PTPRO: variants seen among roughly 807,000 people sequenced by gnomAD.
PTPRO encodes the protein receptor-type tyrosine-protein phosphatase O.
Under a neutral mutation model 145.2 loss-of-function variants are expected in PTPRO, and 62 were observed. That is an observed-to-expected ratio of 0.43 (90% confidence interval 0.35 to 0.53). The LOEUF (loss-of-function observed/expected upper bound fraction) is 0.53. PTPRO is among the 20% of genes least tolerant of loss of function. PTPRO has a pLI of 0.01. For missense variants in PTPRO, 1,345 were observed against 1,482.7 expected, an observed-to-expected ratio of 0.91 and a Z score of 1.53; for synonymous variants, 565 against 514.7, an observed-to-expected ratio of 1.10 and a Z score of -1.32.
chr12:15,516,513 GAAAGA>G lies in PTPRO; in HGVS notation c.1586-246_1586-242del, dbSNP rs1942596031. On this transcript the variant is annotated intron_variant, in intron 8 of 26. Transcript: ENST00000281171. ...AAAGGAAAGAAAGAAAAGAAAGAAA[GAAAGA>G]AAAAGAAAAGAAAAGATGAAAGGAG... Among the ~76,000 whole-genome samples, 12 of 55,020 alleles carry G rather than the reference GAAAGA, an allele frequency of 2.2e-4. No individual in the cohort carries two copies. The South Asian group carries it at 2.2e-3, about 10-fold the overall frequency. The allele number at this position is 55,020 out of a possible 152,430, so 36.1% of individuals were successfully genotyped here.
In PTPRO at chr12:15,557,499, G is replaced by A. The variant is rs1943665490; in HGVS notation, c.2603G>A (p.Arg868Lys). Residue 868 changes from arginine (R) to lysine (K), a missense_variant, in exon 16 of 27, where the codon AGG becomes AAG. Arg to Lys is a conservative substitution (Grantham distance 26). This residue lies in a region of PTPRO where 1,130 missense variants were observed against 1,214.7 expected (regional missense o/e 0.93). Coordinates refer to ENST00000281171, the MANE Select transcript of PTPRO (RefSeq NM_030667.3). ...GTFVNFASLE[R>K]DGKLPYNWRR... ...TTTGTCAATTTTGCATCCTTAGAGA[G>A]GGATGGAAAGCTTCCATACAACTGG... 1 of 1,613,758 alleles carries A rather than the reference G, an allele frequency of 6.2e-7. No individual in the cohort carries two copies. The highest frequency in any genetic ancestry group is 1.3e-5 in the African/African-American group (1 of 74,912).
chr12:15,520,350 G>A (rs1462670808), intron 10 of PTPRO, 38 bp downstream of exon 10: 15 of 1,481,008 alleles, frequency 1.0e-5, no homozygotes, highest in Non-Finnish European at 1.4e-5. Context: ...CAAGGAGAGA[G>A]CATTATTGTG....
At chr12:15,532,481 G>A (rs145643183) in intron 12 of PTPRO, among the ~76,000 whole-genome samples, 12 of 152,192 alleles carry the variant, frequency 7.9e-5, no homozygotes, top group South Asian at 4.2e-4. Context: ...ATTCCAGGAC[G>A]GCTAGCATTT....
At chr12:15,589,779 A>G (rs939639775) in intron 25 of PTPRO, among the ~76,000 whole-genome samples, 189 bp downstream of exon 25, 3 of 152,192 alleles carry the variant, frequency 2.0e-5, no homozygotes, top group African/African-American at 4.8e-5. Flanking sequence ...AATCCATTCG[A>G]CATATAGTGA....
intron 18 of PTPRO, among the ~76,000 whole-genome samples, chr12:15,566,645 C>T (rs1335567407): frequency 6.6e-6 from 1 of 152,100 alleles, no homozygotes; most frequent in Admixed American, 6.6e-5. Flanking sequence ...CTCAGCCTCC[C>T]CAGTAGCTAA....
At chr12:15,471,009 A>G (rs1941527318) in intron 1 of PTPRO, among the ~76,000 whole-genome samples, 1 of 152,180 alleles carries the variant, frequency 6.6e-6, no homozygotes, top group Non-Finnish European at 1.5e-5. Flanking sequence ...GTATCCTCTT[A>G]CACCTGGCTG....
intron 12 of PTPRO, among the ~76,000 whole-genome samples, chr12:15,531,449 T>G (rs1220514761): frequency 6.6e-6 from 1 of 152,198 alleles, no homozygotes. Context: ...TTTTGTGTAG[T>G]GTAATGTCAA....
intron 1 of PTPRO, among the ~76,000 whole-genome samples, chr12:15,403,353 C>T (rs188931638): frequency 1.5e-4 from 23 of 152,204 alleles, no homozygotes; most frequent in East Asian, 9.7e-4. Context: ...GAGGCCGAGG[C>T]GGATGGATCA....
chr12:15,415,609 T>A (rs942819469), intron 1 of PTPRO, among the ~76,000 whole-genome samples: 5 of 151,626 alleles, frequency 3.3e-5, no homozygotes, highest in Non-Finnish European at 5.9e-5. Context: ...ATGGTCTCGA[T>A]CTCCCGACCT....
At chr12:15,471,212 C>G (rs1426669821) in intron 1 of PTPRO, among the ~76,000 whole-genome samples, 1 of 152,098 alleles carries the variant, frequency 6.6e-6, no homozygotes, top group Non-Finnish European at 1.5e-5. Flanking sequence ...AACCCTGTCT[C>G]TACAAAAAAT....
intron 7 of PTPRO, among the ~76,000 whole-genome samples, chr12:15,510,819 C>T (rs1942422569): frequency 6.6e-6 from 1 of 151,936 alleles, no homozygotes; most frequent in African/African-American, 2.4e-5. Flanking sequence ...GGAAATAAGA[C>T]CATCTCAGGC....
chr12:15,566,195 A>G (rs1045398580), intron 18 of PTPRO, among the ~76,000 whole-genome samples: 4 of 152,222 alleles, frequency 2.6e-5, no homozygotes, highest in Non-Finnish European at 5.9e-5. Context: ...TCAAAAGCCT[A>G]TTAGATTATC....
chr12:15,329,922 A>T (rs920735117), intron 1 of PTPRO, among the ~76,000 whole-genome samples: 6 of 152,238 alleles, frequency 3.9e-5, no homozygotes, highest in African/African-American at 1.4e-4. Context: ...TATACACACA[A>T]AGGCAGAGAA....
chr12:15,398,208 C>A (rs1939395265), intron 1 of PTPRO, among the ~76,000 whole-genome samples: 2 of 152,154 alleles, frequency 1.3e-5, no homozygotes, highest in South Asian at 4.1e-4. Flanking sequence ...AAATAGGCTG[C>A]TCATTGTGTC....
chr12:15,465,629 C>T (rs1242975901), intron 1 of PTPRO, among the ~76,000 whole-genome samples: 1 of 152,142 alleles, frequency 6.6e-6, no homozygotes, highest in East Asian at 1.9e-4. Context: ...ATCCTAAAGG[C>T]TTCTCACAGA....
intron 1 of PTPRO, among the ~76,000 whole-genome samples, chr12:15,400,967 C>T (rs1455115885): frequency 1.3e-5 from 2 of 152,176 alleles, no homozygotes; most frequent in Non-Finnish European, 2.9e-5. Flanking sequence ...AACAAAGAAT[C>T]TTAACATTTT....
chr12:15,563,619 C>T (rs1303376095), intron 17 of PTPRO, among the ~76,000 whole-genome samples: 2 of 151,864 alleles, frequency 1.3e-5, no homozygotes, highest in African/African-American at 2.4e-5. Flanking sequence ...TGGAATTATA[C>T]GTTATATTGA....
chr12:15,431,819 T>C (rs1940447868), intron 1 of PTPRO, among the ~76,000 whole-genome samples: 1 of 152,176 alleles, frequency 6.6e-6, no homozygotes, highest in Non-Finnish European at 1.5e-5. Flanking sequence ...ATTTTATTAT[T>C]TCTTTTTTGA....
At position 15,504,018 on chromosome 12, in the gene PTPRO, T is replaced by C. The variant is rs780711920; in HGVS notation, c.1216T>C (p.Ser406Pro). 3.1e-5 allele frequency: 50 copies of C among 1,613,040 alleles called. No homozygotes were observed. The South Asian group carries it at 3.6e-4, about 12-fold the overall frequency. Residue 406 changes from serine (S) to proline (P), a missense_variant, in exon 6 of 27, where the codon TCT becomes CCT. Around this residue, in one of 3 missense-constraint regions of PTPRO, gnomAD observed 1,130 missense variants for 1,214.7 expected, o/e 0.93. Transcript: ENST00000281171. ...TGTGACAACCTTTAGTTCCTCAGGA[T>C]CTTGTGAAACTCGAAAAAGTCAGTC... Reference protein sequence around the residue: ...LSVTTFSSSGSCETRKSQSAK... With the variant: ...LSVTTFSSSGPCETRKSQSAK...
Sources: allele counts gnomAD v4.1 joint callset (sites outside exome capture counted in the v4.1 genomes callset), GRCh38; gene constraint gnomAD v4.1.1; regional missense constraint gnomAD v4.1.1; transcripts MANE v1.5; gene names NCBI Gene and HGNC (gene_info 2026-07-23, HGNC 2026-07-21).